Variants in PKD1 observed in about 807,000 individuals in gnomAD.
PKD1 encodes polycystin 1, transient receptor potential channel interacting.
A neutral mutation model predicts 361.7 loss-of-function variants in PKD1; 81 were observed. That is an observed-to-expected ratio of 0.22 (90% CI 0.19 to 0.27). The LOEUF is 0.27. PKD1 is among the 10% of genes least tolerant of loss of function. The probability of loss-of-function intolerance (pLI) is 1.00; values close to 1 mark genes in which losing one functional copy is unlikely to be tolerated. For missense variants in PKD1, 6,399 were observed against 6,118.3 expected (o/e 1.05, Z -1.53); for synonymous variants, 3,615 against 2,818.3 (o/e 1.28, Z -8.95).
rs537074650 is a variant in PKD1, at chr16:2,125,433, A to G, written c.216-6055T>C. Reference sequence around the variant, plus strand: ...AGACTAGCTGGGGAGCCCCAGGCTCAGCGGCATTCTGTCCTTACAGATCCC... The same window carrying G: ...AGACTAGCTGGGGAGCCCCAGGCTCGGCGGCATTCTGTCCTTACAGATCCC... On this transcript the variant is annotated intron_variant, in intron 1 of 45. Transcript: ENST00000262304. 3.3e-5 allele frequency among the ~76,000 whole-genome samples: 5 copies of G among 152,320 alleles called. No individual in the cohort carries two copies. In the South Asian group the frequency reaches 1.0e-3, roughly 32 times the overall value.
rs779745348 is a variant in PKD1 at position 2,109,519 on chromosome 16, G to A, written c.5648C>T (p.Ala1883Val). ...SWVSATYNLT[A>V]EEPIVGLVLW... The stretch of plus-strand genomic sequence containing the variant: ...CACCAGGCCCACGATGGGCTCCTCC[G>A]CCGTGAGGTTGTACGTGGCTGAGAC... Residue 1883 changes from alanine (A) to valine (V), a missense_variant, in exon 15 of 46, where the codon GCG becomes GTG. Ala to Val is a moderately conservative substitution (Grantham distance 64). Coordinates refer to ENST00000262304, the MANE Select transcript of PKD1 (RefSeq NM_001009944.3). 2.0e-4 allele frequency: 328 copies of A among 1,610,452 alleles called. No individual in the cohort carries two copies. Among genetic ancestry groups the A allele is most frequent in the Non-Finnish European group, 2.6e-4 (304 of 1,179,244 alleles).
chr16:2,096,805 C>T, intron 34 of PKD1: 1 of 351,174 alleles, frequency 2.8e-6, no homozygotes, highest in Admixed American at 4.3e-5. Context: ...GTGTGAGCCA[C>T]CGCGCCCGGC....
Position 2,109,659 on chromosome 16 carries a change from G to A in PKD1, c.5508C>T (p.Ser1836=). ...TGCCGCCGGGCACAGCCCAGCACCA[G>A]CTCACATTGGTGCCCGTGGCCAGCT... ...WGQLATGTNV[S]WCWAVPGGSS... Residue 1836 remains serine, a synonymous_variant, in exon 15 of 46, where the codon AGC becomes AGT. Coordinates refer to ENST00000262304, the MANE Select transcript of PKD1 (RefSeq NM_001009944.3). 6.3e-7 allele frequency: 1 copy of A among 1,589,140 alleles called. No individual in the cohort carries two copies. The highest frequency in any genetic ancestry group is 1.1e-5 in the South Asian group (1 of 88,486).
chr16:2,108,622 T>C lies in PKD1; in HGVS notation c.6545A>G (p.Gln2182Arg), dbSNP rs147685291. The C allele has an allele frequency of 8.8e-4, 1,368 of 1,560,074 alleles. 19 individuals are homozygous for C. The African/African-American group carries it at 0.017, about 19-fold the overall frequency. Residue 2182 changes from glutamine to arginine, a missense_variant, in exon 15 of 46, where the codon CAG (glutamine) becomes CGG (arginine). Coordinates refer to ENST00000262304, the MANE Select transcript of PKD1 (RefSeq NM_001009944.3). ...HVDLRDCVTY[Q>R]TEYRWEVYRT... is the part of the protein sequence containing the mutation. ...ATACACCTCCCAGCGGTACTCAGTC[T>C]GGTAGGTGACGCAGTCGCGCAGGTC...
At position 2,091,077 on chromosome 16, in the gene PKD1, G is replaced by C; in HGVS notation, c.11810C>G (p.Ala3937Gly). 1 of 1,512,648 alleles carries C rather than the reference G, an allele frequency of 6.6e-7. No individual in the cohort carries two copies. Among genetic ancestry groups the C allele is most frequent in the South Asian group, 1.2e-5 (1 of 82,682 alleles). The allele number at this position is 1,512,648 out of a possible 1,614,324, so 93.7% of individuals were successfully genotyped here. A position where few individuals can be genotyped will look rare whatever the true frequency, so the allele number is the denominator to read the frequency against. ...RWRVLRLGAW[A>G]RWLLVALTAA... The stretch of plus-strand genomic sequence containing the variant: ...CGTCAGCGCCACCAGCAGCCACCGC[G>C]CCCAGGCTCCGAGCCGCAGCACGCG... The change falls in exon 43 of 46, where the codon GCG becomes GGG. Residue 3937 changes from alanine to glycine, a missense_variant. Ala to Gly is a moderately conservative substitution (Grantham distance 60). Transcript: ENST00000262304.
At chr16:2,130,186 G>T (rs560827521) in intron 1 of PKD1, among the ~76,000 whole-genome samples, 6 of 152,232 alleles carry the variant, frequency 3.9e-5, no homozygotes, top group African/African-American at 1.4e-4. Flanking sequence ...CGGGAGCCAC[G>T]TAAGACCCGG....
At position 2,110,274 on chromosome 16, in the gene PKD1, G is replaced by T; in HGVS notation, c.4893C>A (p.Leu1631=). The T allele has an allele frequency of 6.2e-7, 1 of 1,612,604 alleles. No individual in the cohort carries two copies. Among genetic ancestry groups the T allele is most frequent in the Non-Finnish European group, 8.5e-7 (1 of 1,179,832 alleles). Residue 1631 remains leucine, a synonymous_variant, in exon 15 of 46, where the codon CTC becomes CTA. Transcript: ENST00000262304. The stretch of plus-strand genomic sequence containing the variant: ...CGCCCACCACCTGCAGCCCCTCTAT[G>T]AGCTGCAGGACATAGACGAAGATGC... ...QDSIFVYVLQ[L]IEGLQVVGGG...
In PKD1 at chr16:2,110,628, G is replaced by A; in HGVS notation, c.4539C>T (p.Val1513=). ...CACCTGTGCTGTTGTAAGCGTGGGT[G>A]ACCTCCGGACCCTCGAGCCACCCAC... is the stretch of plus-strand genomic sequence containing the variant. ...GDGGWLEGPE[V]THAYNSTGDF... Residue 1513 remains valine, a synonymous_variant, in exon 15 of 46, where the codon GTC becomes GTT. Coordinates refer to ENST00000262304, the MANE Select transcript of PKD1 (RefSeq NM_001009944.3). 1.2e-6 allele frequency: 2 copies of A among 1,609,896 alleles called. No individual in the cohort carries two copies. The highest frequency in any genetic ancestry group is 1.1e-5 in the South Asian group (1 of 90,972).
chr16:2,114,203 G>A lies in PKD1; in HGVS notation c.2820C>T (p.Ser940=), dbSNP rs750279218. 5.0e-6 allele frequency: 8 copies of A among 1,609,130 alleles called. No homozygotes were observed. In the South Asian group the frequency reaches 5.5e-5, roughly 11 times the overall value. The change falls in exon 11 of 46, where the codon AGC becomes AGT. Residue 940 remains serine (S), a synonymous_variant. Coordinates refer to ENST00000262304, the MANE Select transcript of PKD1 (RefSeq NM_001009944.3). ...EPICGLRATP[S]PEARVLQGVL... is the part of the protein sequence containing the mutation. ...CTCCCTGCAGTACACGGGCCTCGGGGCTGGGCGTGGCGCGGAGGCCACAGA... is the reference window on the plus strand; with the variant it reads ...CTCCCTGCAGTACACGGGCCTCGGGACTGGGCGTGGCGCGGAGGCCACAGA...
intron 26 of PKD1, among the ~76,000 whole-genome samples, chr16:2,101,365 C>T (rs995684775): frequency 6.6e-6 from 1 of 152,138 alleles, no homozygotes; most frequent in Non-Finnish European, 1.5e-5. Context: ...AATGGGAACA[C>T]AGCCAGGTGT....
chr16:2,119,603 A>G (rs939818674), intron 1 of PKD1, among the ~76,000 whole-genome samples: 3 of 152,190 alleles, frequency 2.0e-5, no homozygotes, highest in African/African-American at 7.2e-5. Flanking sequence ...CTCTGCACCC[A>G]TCTCAGCCCT....
rs1245622368 is a variant in PKD1, at chr16:2,097,201, G to A, written c.10446C>T (p.Ser3482=). Residue 3482 remains serine, a synonymous_variant, in exon 34 of 46, where the codon AGC becomes AGT. Transcript: ENST00000262304. The part of the protein sequence containing the change: ...LIQQVLAEGV[S]SPAPTQDTHM... ...GGGTGTCTTGGGTAGGGGCTGGGCTGCTGACCCCCTCGGCAAGGACCTGCT... is the reference window on the plus strand; with the variant it reads ...GGGTGTCTTGGGTAGGGGCTGGGCTACTGACCCCCTCGGCAAGGACCTGCT... 2 of 1,566,694 alleles carry A rather than the reference G, an allele frequency of 1.3e-6. No homozygotes were observed. Among genetic ancestry groups the A allele is most frequent in the Middle Eastern group, 1.7e-4 (1 of 6,000 alleles).
At position 2,091,492 on chromosome 16, in the gene PKD1, G is replaced by T; in HGVS notation, c.11643C>A (p.Ala3881=). 1 of 1,398,376 alleles carries T rather than the reference G, an allele frequency of 7.2e-7. No individual in the cohort carries two copies. The highest frequency in any genetic ancestry group is 9.2e-7 in the Non-Finnish European group (1 of 1,083,944). 86.6% of individuals were successfully genotyped at this position (1,398,376 alleles called of 1,614,324 possible). ...LEFPAAGRAL[A]ALSVRPFALR... ...GCGCAAAGGGGCGGACGCTGAGGGC[G>T]GCCAGGGCGCGGCCGGCCGCCGGGA... The change falls in exon 42 of 46, where the codon GCC becomes GCA. Residue 3881 remains alanine, a synonymous_variant. Coordinates refer to ENST00000262304, the MANE Select transcript of PKD1 (RefSeq NM_001009944.3).
chr16:2,107,087 G>A, intron 16 of PKD1, 139 bp from the exon 17 acceptor site: 1 of 783,610 alleles, frequency 1.3e-6, no homozygotes, highest in Non-Finnish European at 2.2e-6. Context: ...CTCCCTCCCA[G>A]GATACTCATC....
intron 34 of PKD1, 96 bp from the exon 35 acceptor site, chr16:2,094,306 T>C (rs2091748529): frequency 1.3e-6 from 1 of 782,838 alleles, no homozygotes; most frequent in African/African-American, 1.7e-5. Context: ...CTTGAGCCTC[T>C]TGGGTCACAG....
At chr16:2,105,836 T>C (rs1178502631) in intron 20 of PKD1, 29 bp downstream of exon 20, 1 of 1,589,998 alleles carries the variant, frequency 6.3e-7, no homozygotes, top group Admixed American at 1.7e-5. Context: ...ATGCAGCAGA[T>C]GTGACGTCCC....
In PKD1 at chr16:2,118,489, G is replaced by A; in HGVS notation, c.530-27C>T. 1 of 1,331,838 alleles carries A rather than the reference G, an allele frequency of 7.5e-7. No homozygotes were observed. Among genetic ancestry groups the A allele is most frequent in the Non-Finnish European group, 1.0e-6 (1 of 960,234 alleles). The allele number at this position is 1,331,838 out of a possible 1,614,324, so 82.5% of individuals were successfully genotyped here. ...TAGAAGAGGCAGCCACTGGACCCCG[G>A]GTTCTGCTCCTCCTGGCTCCACCCC... On this transcript the variant is annotated intron_variant, in intron 4 of 45. Transcript: ENST00000262304. The surrounding 1 kb of genome is among the most constrained non-coding windows in gnomAD (Gnocchi z 6.0).
rs79000340 is a variant in PKD1, at chr16:2,093,954, C to T, written c.10678G>A (p.Gly3560Arg). 1,213 of 1,586,334 alleles carry T rather than the reference C, an allele frequency of 7.6e-4. 13 individuals are homozygous for T. The East Asian group carries it at 0.022, about 28-fold the overall frequency. Residue 3560 changes from glycine (G) to arginine (R), a missense_variant, in exon 36 of 46, where the codon GGG (glycine) becomes AGG (arginine). Gly to Arg is a moderately radical substitution (Grantham distance 125). Coordinates refer to ENST00000262304, the MANE Select transcript of PKD1 (RefSeq NM_001009944.3). ...LPAWCASLAH[G>R]LSLLLVAVAV... ...ACAGCCACCAGGAGCAGGCTGAGCC[C>T]GTGGGCCAGGGAGGCACACCAGGCC... is the stretch of plus-strand genomic sequence containing the variant.
chr16:2,099,986 T>C lies in PKD1; in HGVS notation c.9798A>G (p.Ile3266Met), dbSNP rs1198334760. The C allele has an allele frequency of 6.4e-7, 1 of 1,564,200 alleles. No individual in the cohort carries two copies. The highest frequency in any genetic ancestry group is 8.7e-7 in the Non-Finnish European group (1 of 1,156,008). Residue 3266 changes from isoleucine (I) to methionine (M), a missense_variant, in exon 29 of 46, where the codon ATA (isoleucine) becomes ATG (methionine). Coordinates refer to ENST00000262304, the MANE Select transcript of PKD1 (RefSeq NM_001009944.3). Reference protein sequence around the residue: ...GFFDKHIWLSIWDRPPRSRFT... With the variant: ...GFFDKHIWLSMWDRPPRSRFT... ...AACGGCTACGAGGCGGCCGGTCCCA[T>C]ATGGAGAGCCAGATGTGCTTGTCAA... is the stretch of plus-strand genomic sequence containing the variant.
Sources: gnomAD v4.1 joint callset for allele counts (sites outside exome capture counted in the v4.1 genomes callset) on GRCh38, gnomAD v4.1.1 for gene constraint, Gnocchi (gnomAD v3.1) non-coding constraint, MANE v1.5 for transcripts, NCBI Gene and HGNC (gene_info 2026-07-23, HGNC 2026-07-21) for gene names.